PAPPA2: variants seen among roughly 807,000 people sequenced by gnomAD.
PAPPA2 encodes pappalysin 2.
In PAPPA2, 86 loss-of-function variants were observed where a neutral mutation model predicts 176.4. That is an observed-to-expected ratio of 0.49 (90% confidence interval 0.41 to 0.58). The LOEUF (loss-of-function observed/expected upper bound fraction) is 0.58, where lower values mean the gene tolerates loss of function less well. PAPPA2 is among the 20% of genes least tolerant of loss of function. The pLI is 0.00. For missense variants in PAPPA2, 2,073 were observed against 2,256.9 expected, an observed-to-expected ratio of 0.92 and a Z score of 1.65; for synonymous variants, 809 against 852.2, an observed-to-expected ratio of 0.95 and a Z score of 0.88.
intron 1 of PAPPA2, among the ~76,000 whole-genome samples, chr1:176,523,115 C>T (rs964591864): frequency 1.3e-5 from 2 of 152,156 alleles, no homozygotes; most frequent in African/African-American, 4.8e-5. Context: ...CTTTCAGGGG[C>T]ACCTCAACCA....
intron 12 of PAPPA2, among the ~76,000 whole-genome samples, chr1:176,716,138 C>T (rs186681459): frequency 4.9e-4 from 75 of 151,834 alleles, no homozygotes; most frequent in African/African-American, 1.7e-3. Flanking sequence ...CAAGTCTTAC[C>T]TGGTTCTTAC....
At chr1:176,505,617 A>G (rs1435020071) in intron 1 of PAPPA2, among the ~76,000 whole-genome samples, 1 of 152,074 alleles carries the variant, frequency 6.6e-6, no homozygotes, top group African/African-American at 2.4e-5. Context: ...ATTAGATTGG[A>G]GGTTACACAA....
chr1:176,670,317 A>G lies in PAPPA2; in HGVS notation c.1992-653A>G, dbSNP rs181588202. ...TTTCCTAGTGCTTTCAAAGTCACCAATAAACATACTAGGTATCATAAAGTA... is the reference window on the plus strand; with the variant it reads ...TTTCCTAGTGCTTTCAAAGTCACCAGTAAACATACTAGGTATCATAAAGTA... On this transcript the variant is annotated intron_variant, in intron 3 of 22. Transcript: ENST00000367662. Among the ~76,000 whole-genome samples, 13 of 152,334 alleles carry G rather than the reference A, an allele frequency of 8.5e-5. No homozygotes were observed. In the East Asian group the frequency reaches 2.3e-3, roughly 27 times the overall value.
chr1:176,751,430 G>A (rs1403224158), intron 14 of PAPPA2, among the ~76,000 whole-genome samples: 20 of 121,408 alleles, frequency 1.6e-4, no homozygotes, highest in African/African-American at 3.3e-4. Flanking sequence ...GAAAATTTTC[G>A]CAACCTACTC....
At chr1:176,638,943 T>TGTGTGC (rs1374125184) in intron 3 of PAPPA2, among the ~76,000 whole-genome samples, 1 of 127,900 alleles carries the variant, frequency 7.8e-6, no homozygotes, top group Non-Finnish European at 1.5e-5. Flanking sequence ...CATGTGCGTG[T>TGTGTGC]GTGTGTGTGT....
chr1:176,608,435 A>AT, intron 3 of PAPPA2, among the ~76,000 whole-genome samples: 1 of 152,250 alleles, frequency 6.6e-6, no homozygotes, highest in South Asian at 2.1e-4. Flanking sequence ...ATTGGCATGA[A>AT]TTTTTTTATA....
At chr1:176,676,067 A>T (rs1302464024) in intron 4 of PAPPA2, among the ~76,000 whole-genome samples, 1 of 152,108 alleles carries the variant, frequency 6.6e-6, no homozygotes, top group African/African-American at 2.4e-5. Context: ...AAAATAAAAA[A>T]TAATGACAAT....
chr1:176,646,980 A>G (rs1657433255), intron 3 of PAPPA2, among the ~76,000 whole-genome samples: 1 of 151,136 alleles, frequency 6.6e-6, no homozygotes, highest in Non-Finnish European at 1.5e-5. Context: ...TTTTGAGGGG[A>G]CTCTAAACTG....
At chr1:176,485,416 AC>A (rs1652602447) in intron 1 of PAPPA2, among the ~76,000 whole-genome samples, 1 of 151,964 alleles carries the variant, frequency 6.6e-6, no homozygotes, top group African/African-American at 2.4e-5. Flanking sequence ...AGATCTTTGC[AC>A]CTATGCTTCC....
In PAPPA2 at chr1:176,510,284, A is replaced by G. The variant is rs141746335; in HGVS notation, c.-916-45123A>G. Among the ~76,000 whole-genome samples the G allele has an allele frequency of 9.1e-4, 138 of 152,314 alleles. 1 individual carries two copies. The East Asian group carries it at 0.023, about 25-fold the overall frequency. Reference sequence around the variant, plus strand: ...TATGAACAGAGCAACAAAGATAAGAATTATCATCGTTTTCTCACCTGAGCC... The same window carrying G: ...TATGAACAGAGCAACAAAGATAAGAGTTATCATCGTTTTCTCACCTGAGCC... On this transcript the variant is annotated intron_variant, in intron 1 of 22. Transcript: ENST00000367662.
chr1:176,733,847 A>G (rs1662273911), intron 12 of PAPPA2, among the ~76,000 whole-genome samples: 1 of 152,024 alleles, frequency 6.6e-6, no homozygotes, highest in East Asian at 1.9e-4. Flanking sequence ...TGAACAGACA[A>G]AGGAGAACTG....
At chr1:176,588,668 G>C (rs528644472) in intron 2 of PAPPA2, among the ~76,000 whole-genome samples, 1 of 152,212 alleles carries the variant, frequency 6.6e-6, no homozygotes, top group Non-Finnish European at 1.5e-5. Context: ...TGCTGGATGT[G>C]TGCTTGCTGG....
chr1:176,765,336 T>C (rs1279397917), intron 14 of PAPPA2, among the ~76,000 whole-genome samples: 2 of 152,152 alleles, frequency 1.3e-5, no homozygotes, highest in Admixed American at 6.5e-5. Flanking sequence ...GGTTGTTAAA[T>C]ATTTTGAGTG....
At chr1:176,463,641 C>A (rs1271946954) in intron 1 of PAPPA2, among the ~76,000 whole-genome samples, 3 of 152,148 alleles carry the variant, frequency 2.0e-5, no homozygotes, top group Non-Finnish European at 4.4e-5. Context: ...TCAGTTTCTC[C>A]AGTCTAATAA....
intron 1 of PAPPA2, among the ~76,000 whole-genome samples, chr1:176,550,420 CTTTG>C (rs1369044409): frequency 5.9e-5 from 9 of 152,176 alleles, no homozygotes; most frequent in Admixed American, 5.9e-4. Context: ...CCTGCAGAGC[CTTTG>C]TTTGTCGGAT....
intron 14 of PAPPA2, among the ~76,000 whole-genome samples, chr1:176,742,393 G>C (rs1328506695): frequency 6.6e-6 from 1 of 152,140 alleles, no homozygotes; most frequent in Admixed American, 6.5e-5. Flanking sequence ...CAACAAAGAA[G>C]TTGATTAATT....
intron 1 of PAPPA2, among the ~76,000 whole-genome samples, chr1:176,475,167 G>C (rs1652054766): frequency 6.6e-6 from 1 of 152,056 alleles, no homozygotes. Context: ...CTGTTCCTGG[G>C]GTACGTGGCT....
intron 1 of PAPPA2, among the ~76,000 whole-genome samples, chr1:176,541,785 A>C (rs982391439): frequency 6.6e-6 from 1 of 152,196 alleles, no homozygotes; most frequent in Admixed American, 6.5e-5. Context: ...TTTGTTCACT[A>C]ATTTCACCAA....
chr1:176,601,789 C>G (rs1654338293), intron 3 of PAPPA2, among the ~76,000 whole-genome samples: 1 of 152,198 alleles, frequency 6.6e-6, no homozygotes, highest in Non-Finnish European at 1.5e-5. Flanking sequence ...GGGAACTTGT[C>G]TTCCCTGACC....
Sources: allele counts gnomAD v4.1 joint callset (sites outside exome capture counted in the v4.1 genomes callset), GRCh38; gene constraint gnomAD v4.1.1; transcripts MANE v1.5; gene names NCBI Gene and HGNC (gene_info 2026-07-23, HGNC 2026-07-21).